KIAA1328: variants seen among roughly 807,000 people sequenced by gnomAD.
KIAA1328 encodes the protein KIAA1328.
Under a neutral mutation model 68.1 loss-of-function variants are expected in KIAA1328, and 52 were observed. The observed-to-expected ratio is 0.76, with a 90% CI of 0.61 to 0.96. KIAA1328 has a LOEUF of 0.96. KIAA1328 is among the 40% of genes least tolerant of loss of function. The pLI, the probability that KIAA1328 is intolerant of heterozygous loss-of-function variation, is 0.00. For synonymous variants in KIAA1328, 232 were observed against 239.4 expected (o/e 0.97, Z 0.28); for missense variants, 641 against 677.6 (o/e 0.95, Z 0.60).
rs16968581 is a variant in KIAA1328 at position 37,160,239 on chromosome 18, A to G, written c.1272A>G (p.Thr424=). 1.9e-3 allele frequency: 3,108 copies of G among 1,613,374 alleles called. 60 individuals are homozygous for G. In the African/African-American group the frequency reaches 0.037, roughly 19 times the overall value. Residue 424 remains threonine (T), a synonymous_variant, in exon 8 of 10, where the codon ACA becomes ACG. Transcript: ENST00000280020. ...KSNCDGWLLG[T]SSSIKKHQDP... ...ACTGTGATGGCTGGCTGCTTGGAAC[A>G]TCATCATCTATTAAAAAGCACCAAG...
intron 9 of KIAA1328, among the ~76,000 whole-genome samples, chr18:37,190,542 T>C (rs1360335978): frequency 1.3e-5 from 2 of 152,196 alleles, no homozygotes; most frequent in Admixed American, 1.3e-4. Flanking sequence ...CGTTCTACTT[T>C]GTCAGTTTCC....
chr18:37,186,579 A>C (rs1374669294), intron 9 of KIAA1328, among the ~76,000 whole-genome samples: 1 of 151,476 alleles, frequency 6.6e-6, no homozygotes, highest in African/African-American at 2.4e-5. Context: ...AAAAAAAAAA[A>C]AAAAAAAACC....
At chr18:37,102,379 G>A (rs1465007461) in intron 7 of KIAA1328, among the ~76,000 whole-genome samples, 1 of 152,122 alleles carries the variant, frequency 6.6e-6, no homozygotes, top group African/African-American at 2.4e-5. Context: ...GCACACGTTT[G>A]CGTTTGTAAC....
In KIAA1328 at chr18:37,077,669, G is replaced by A. The variant is rs544774787; in HGVS notation, c.1232+10124G>A. 1.1e-4 allele frequency among the ~76,000 whole-genome samples: 15 copies of A among 142,146 alleles called. 1 individual carries two copies. The South Asian group carries it at 3.2e-3, about 31-fold the overall frequency. The allele number at this position is 142,146 out of a possible 152,430, so 93.3% of individuals were successfully genotyped here. On this transcript the variant is annotated intron_variant, in intron 7 of 9. Coordinates refer to ENST00000280020, the MANE Select transcript of KIAA1328 (RefSeq NM_020776.3). ...CAAAATCAATGTGCAAAAATCACAA[G>A]CATTCTTATACACCAGTAACAGACA...
intron 5 of KIAA1328, chr18:36,895,861 A>G (rs1261081524): frequency 4.4e-6 from 2 of 450,558 alleles, no homozygotes; most frequent in East Asian, 7.0e-5. Flanking sequence ...TCTGTCACAC[A>G]CCACACCCCC....
chr18:37,200,137 C>T (rs2060080752), intron 9 of KIAA1328, among the ~76,000 whole-genome samples: 2 of 152,202 alleles, frequency 1.3e-5, no homozygotes, highest in South Asian at 4.1e-4. Flanking sequence ...TGAGGCACAA[C>T]ATACAATTTG....
chr18:37,134,162 C>T (rs1049844793), intron 7 of KIAA1328, among the ~76,000 whole-genome samples: 29 of 151,818 alleles, frequency 1.9e-4, no homozygotes, highest in Admixed American at 1.6e-3. Flanking sequence ...TACAGGCACG[C>T]GCCACCACAC....
chr18:36,949,595 G>GCCCC (rs1241515530), intron 5 of KIAA1328, among the ~76,000 whole-genome samples: 25 of 38,944 alleles, frequency 6.4e-4, no homozygotes, highest in South Asian at 1.2e-3. Context: ...TTTCTACCCA[G>GCCCC]CTCCCCCCCC....
Position 36,945,637 on chromosome 18 carries a change from C to T in KIAA1328, c.449-13671C>T, listed in dbSNP as rs116998402. On this transcript the variant is annotated intron_variant, in intron 5 of 9. Coordinates refer to ENST00000280020, the MANE Select transcript of KIAA1328 (RefSeq NM_020776.3). ...AATACTGGGTGATATTTTCATACTA[C>T]ATTACAGAGTACTTGCAACTCTGGT... Among the ~76,000 whole-genome samples, 838 of 152,244 alleles carry T rather than the reference C, an allele frequency of 5.5e-3. 5 individuals are homozygous for T. Among genetic ancestry groups the T allele is most frequent in the Non-Finnish European group, 5.3e-3 (362 of 68,020 alleles).
intron 9 of KIAA1328, among the ~76,000 whole-genome samples, chr18:37,217,834 T>G (rs2060476405): frequency 6.6e-6 from 1 of 152,240 alleles, no homozygotes; most frequent in African/African-American, 2.4e-5. Context: ...TCTTTTCACA[T>G]AGTCTCATAT....
At chr18:36,893,889 C>T (rs1481223423) in intron 5 of KIAA1328, among the ~76,000 whole-genome samples, 6 of 152,062 alleles carry the variant, frequency 3.9e-5, no homozygotes, top group Admixed American at 3.3e-4. Flanking sequence ...ACATGGTATT[C>T]GGAGGCAAGA....
chr18:37,086,088 G>C lies in KIAA1328; in HGVS notation c.1232+18543G>C, dbSNP rs763857823. 5.8e-4 allele frequency among the ~76,000 whole-genome samples: 88 copies of C among 152,292 alleles called. 2 individuals are homozygous for C. Among genetic ancestry groups the C allele is most frequent in the South Asian group, 1.7e-3 (8 of 4,820 alleles). On this transcript the variant is annotated intron_variant, in intron 7 of 9. Transcript: ENST00000280020. ...AATCAATGGTCACCAGGGCCTGGGG[G>C]GTTGGGGGCCTGGTCTTTGCTCAAA...
chr18:37,115,719 A>G (rs2058086654), intron 7 of KIAA1328, among the ~76,000 whole-genome samples: 1 of 152,210 alleles, frequency 6.6e-6, no homozygotes, highest in Admixed American at 6.5e-5. Flanking sequence ...AGAGGAAGTC[A>G]AATTGTCCCT....
At chr18:36,904,988 C>T (rs573894496) in intron 5 of KIAA1328, among the ~76,000 whole-genome samples, 1 of 151,888 alleles carries the variant, frequency 6.6e-6, no homozygotes, top group Admixed American at 6.6e-5. Context: ...TACTATTTTT[C>T]TCTTTCTGAT....
intron 4 of KIAA1328, among the ~76,000 whole-genome samples, chr18:36,866,348 A>G (rs1280030870): frequency 2.0e-5 from 3 of 152,068 alleles, no homozygotes; most frequent in Non-Finnish European, 2.9e-5. Context: ...TTGAGCCCCA[A>G]CATCCCACCC....
chr18:37,140,281 ATTC>A (rs1373965907), intron 7 of KIAA1328, among the ~76,000 whole-genome samples: 2 of 152,138 alleles, frequency 1.3e-5, no homozygotes, highest in African/African-American at 4.8e-5. Context: ...AATGACAGCT[ATTC>A]TTCTTTGTAA....
intron 8 of KIAA1328, among the ~76,000 whole-genome samples, chr18:37,162,789 T>A (rs2059309224): frequency 6.6e-6 from 1 of 152,152 alleles, no homozygotes; most frequent in Admixed American, 6.6e-5. Flanking sequence ...ACAGGACATT[T>A]ACTACAGGAC....
chr18:37,071,927 C>T (rs1389571793), intron 7 of KIAA1328, among the ~76,000 whole-genome samples: 1 of 152,056 alleles, frequency 6.6e-6, no homozygotes, highest in African/African-American at 2.4e-5. Flanking sequence ...AGAAATTTTA[C>T]AATCTGAACA....
chr18:37,105,018 A>G lies in KIAA1328; in HGVS notation c.1232+37473A>G, dbSNP rs78803026. Among the ~76,000 whole-genome samples, 559 of 152,254 alleles carry G rather than the reference A, an allele frequency of 3.7e-3. 2 individuals carry two copies. The highest frequency in any genetic ancestry group is 6.1e-3 in the Non-Finnish European group (414 of 68,024). On this transcript the variant is annotated intron_variant, in intron 7 of 9. Transcript: ENST00000280020. ...TTCTGACTTCTCTTTAATTCTTTGC[A>G]ATTTGTAACCCACAACTAACCTTTT... is the stretch of plus-strand genomic sequence containing the variant.
Sources: gnomAD v4.1 joint callset for allele counts (sites outside exome capture counted in the v4.1 genomes callset) on GRCh38, gnomAD v4.1.1 for gene constraint, MANE v1.5 for transcripts, NCBI Gene and HGNC (gene_info 2026-07-23, HGNC 2026-07-21) for gene names.